Variants in INPP5A observed in about 807,000 individuals in gnomAD.
The protein encoded by INPP5A is inositol polyphosphate-5-phosphatase A.
INPP5A carries 14 observed loss-of-function variants against 65.2 expected under a neutral mutation model. The observed-to-expected ratio is 0.21, with a 90% CI of 0.14 to 0.34. INPP5A has a LOEUF of 0.34. Among genes scored for constraint, INPP5A ranks in the 10% least tolerant of loss-of-function variants. INPP5A has a pLI of 1.00. For missense variants in INPP5A, 431 were observed against 545.6 expected (o/e 0.79, Z 2.09); for synonymous variants, 207 against 208.3 (o/e 0.99, Z 0.05).
intron 1 of INPP5A, among the ~76,000 whole-genome samples, chr10:132,573,394 T>C: frequency 7.6e-6 from 1 of 131,046 alleles, no homozygotes; most frequent in Non-Finnish European, 1.6e-5. Flanking sequence ...TGTTGAGATG[T>C]TGGGGTGTGC....
At chr10:132,615,314 A>G (rs972638785) in intron 2 of INPP5A, among the ~76,000 whole-genome samples, 4 of 152,262 alleles carry the variant, frequency 2.6e-5, no homozygotes, top group African/African-American at 9.6e-5. Flanking sequence ...GAACCAGCTC[A>G]GGATGCAACT....
chr10:132,645,546 G>A (rs1019335909), intron 2 of INPP5A, among the ~76,000 whole-genome samples: 3 of 152,238 alleles, frequency 2.0e-5, no homozygotes, highest in Non-Finnish European at 4.4e-5. Flanking sequence ...GCTCCCAGAG[G>A]CTCTGCAGTA....
chr10:132,752,999 A>G (rs1846524501), intron 11 of INPP5A, among the ~76,000 whole-genome samples: 1 of 152,050 alleles, frequency 6.6e-6, no homozygotes, highest in African/African-American at 2.4e-5. Flanking sequence ...CGGGAGTCCC[A>G]TGTGGAAAGG....
intron 1 of INPP5A, among the ~76,000 whole-genome samples, chr10:132,591,735 C>T (rs775263908): frequency 1.3e-5 from 2 of 152,186 alleles, no homozygotes; most frequent in Non-Finnish European, 2.9e-5. Flanking sequence ...CTTCTCTGCC[C>T]CTCCAGGTGT....
At chr10:132,606,101 G>A (rs2071845428) in intron 1 of INPP5A, among the ~76,000 whole-genome samples, 1 of 152,184 alleles carries the variant, frequency 6.6e-6, no homozygotes, top group Non-Finnish European at 1.5e-5. Context: ...TTGTGCGTTT[G>A]GTGTTTAGGG....
intron 8 of INPP5A, among the ~76,000 whole-genome samples, chr10:132,718,817 G>C (rs577392196): frequency 5.3e-4 from 75 of 141,030 alleles, no homozygotes; most frequent in African/African-American, 1.4e-3. Flanking sequence ...CAGCTGTCTT[G>C]CGGGTTCTGT....
chr10:132,764,511 G>A (rs919990909), intron 11 of INPP5A, among the ~76,000 whole-genome samples: 1 of 138,398 alleles, frequency 7.2e-6, no homozygotes, highest in Non-Finnish European at 1.5e-5. Flanking sequence ...TGTGTGTGGT[G>A]ACACTCAGGA....
chr10:132,726,763 G>A, intron 8 of INPP5A, 58 bp from the exon 9 acceptor site: 2 of 1,232,816 alleles, frequency 1.6e-6, no homozygotes, highest in African/African-American at 1.5e-5. Flanking sequence ...ACCGGGGCCG[G>A]GCATGAGGGC....
At chr10:132,579,731 C>T (rs1296566860) in intron 1 of INPP5A, among the ~76,000 whole-genome samples, 1 of 151,992 alleles carries the variant, frequency 6.6e-6, no homozygotes, top group Non-Finnish European at 1.5e-5. Flanking sequence ...CAGGGCTGGC[C>T]TCCCATAGCG....
chr10:132,653,457 G>A (rs374551773), intron 4 of INPP5A, among the ~76,000 whole-genome samples: 1 of 152,134 alleles, frequency 6.6e-6, no homozygotes, highest in Non-Finnish European at 1.5e-5. Context: ...GGCACAGGCC[G>A]TGCCAGGCCT....
At position 132,616,060 on chromosome 10, in the gene INPP5A, G is replaced by A. The variant is rs749918798; in HGVS notation, c.117+8104G>A. On this transcript the variant is annotated intron_variant, in intron 2 of 15. Transcript: ENST00000368594. The surrounding 1 kb of genome is among the most constrained non-coding windows in gnomAD (Gnocchi z 4.9). ...TTCCGGGTCCTGTGGGGAGCGGTGA[G>A]GGATGGTCGTGTGCGTCGTTTTAGG... Among the ~76,000 whole-genome samples the A allele has an allele frequency of 2.0e-5, 3 of 152,192 alleles. No homozygotes were observed. Among genetic ancestry groups the A allele is most frequent in the Non-Finnish European group, 4.4e-5 (3 of 68,024 alleles).
chr10:132,563,915 T>G (rs111877332), intron 1 of INPP5A, among the ~76,000 whole-genome samples: 1 of 152,140 alleles, frequency 6.6e-6, no homozygotes, highest in African/African-American at 2.4e-5. Context: ...CTCTGAGCCC[T>G]GAGCCCTGGC....
In INPP5A at chr10:132,706,325, A is replaced by C. The variant is rs1050445145; in HGVS notation, c.475-1988A>C. Among the ~76,000 whole-genome samples the C allele has an allele frequency of 6.6e-6, 1 of 152,254 alleles. No homozygotes were observed. The highest frequency in any genetic ancestry group is 1.5e-5 in the Non-Finnish European group (1 of 68,040). On this transcript the variant is annotated intron_variant, in intron 6 of 15. Transcript: ENST00000368594. This position sits in a 1 kb window ranked among gnomAD's most constrained non-coding sequence, Gnocchi z 4.7. ...AAATTCCAGAAAGAAGCAGTGGAGCAGTGTTGGAAGTGATAAGGGGAAATT... is the reference window on the plus strand; with the variant it reads ...AAATTCCAGAAAGAAGCAGTGGAGCCGTGTTGGAAGTGATAAGGGGAAATT...
At chr10:132,761,413 G>C (rs1846730812) in intron 11 of INPP5A, among the ~76,000 whole-genome samples, 1 of 152,232 alleles carries the variant, frequency 6.6e-6, no homozygotes, top group Admixed American at 6.5e-5. Flanking sequence ...TAACAAGACA[G>C]ACAGACACAT....
At chr10:132,601,095 AC>A (rs1168781747) in intron 1 of INPP5A, among the ~76,000 whole-genome samples, 1 of 152,204 alleles carries the variant, frequency 6.6e-6, no homozygotes, top group Non-Finnish European at 1.5e-5. Flanking sequence ...TTACATTCCC[AC>A]CAGCAGTGCA....
chr10:132,623,504 T>C (rs1368354462), intron 2 of INPP5A, among the ~76,000 whole-genome samples: 2 of 151,954 alleles, frequency 1.3e-5, no homozygotes, highest in African/African-American at 2.4e-5. Flanking sequence ...TCAAAATGGA[T>C]CTTAGAGCTA....
chr10:132,550,487 G>A lies in INPP5A; in HGVS notation c.75+12316G>A, dbSNP rs936719305. 6.6e-5 allele frequency among the ~76,000 whole-genome samples: 10 copies of A among 152,240 alleles called. No individual in the cohort carries two copies. Among genetic ancestry groups the A allele is most frequent in the African/African-American group, 1.7e-4 (7 of 41,464 alleles). ...CCTCACCACACCTGGAGCAGCGCCC[G>A]TGAGAGGAGGGAAGCGACACCCTTG... On this transcript the variant is annotated intron_variant, in intron 1 of 15. Transcript: ENST00000368594. This position sits in a 1 kb window ranked among gnomAD's most constrained non-coding sequence, Gnocchi z 4.2.
chr10:132,590,543 T>C (rs1416887752), intron 1 of INPP5A, among the ~76,000 whole-genome samples: 8 of 152,104 alleles, frequency 5.3e-5, no homozygotes, highest in South Asian at 2.1e-4. Flanking sequence ...CAGTGGGGCC[T>C]GCGTTCGAGG....
chr10:132,644,961 G>A lies in INPP5A; in HGVS notation c.118-907G>A, dbSNP rs938883192. 1.3e-4 allele frequency among the ~76,000 whole-genome samples: 20 copies of A among 152,130 alleles called. No individual in the cohort carries two copies. Among genetic ancestry groups the A allele is most frequent in the African/African-American group, 4.8e-4 (20 of 41,416 alleles). The stretch of plus-strand genomic sequence containing the variant: ...GCTGGACTGACAGTGGGAGATAGAC[G>A]GGGACCTGGAAGGAGGGGAGGCCAT... On this transcript the variant is annotated intron_variant, in intron 2 of 15. Transcript: ENST00000368594. The surrounding 1 kb of genome is among the most constrained non-coding windows in gnomAD (Gnocchi z 6.5).
Sources: allele counts gnomAD v4.1 joint callset (sites outside exome capture counted in the v4.1 genomes callset), GRCh38; gene constraint gnomAD v4.1.1; non-coding constraint Gnocchi (gnomAD v3.1); transcripts MANE v1.5; gene names NCBI Gene and HGNC (gene_info 2026-07-23, HGNC 2026-07-21).